The following SEC24B variants were observed in gnomAD, a reference collection of about 807,000 sequenced individuals.
SEC24B encodes the protein protein transport protein Sec24B.
SEC24B carries 45 observed loss-of-function variants against 142.8 expected under a neutral mutation model. The ratio of observed to expected loss-of-function variants is 0.32; its 90% confidence interval spans 0.25 to 0.40. SEC24B has a LOEUF of 0.40. Among genes scored for constraint, SEC24B ranks in the 10% least tolerant of loss-of-function variants. SEC24B has a pLI of 1.00. For synonymous variants in SEC24B, 574 were observed against 568.2 expected, an observed-to-expected ratio of 1.01 and a Z score of -0.15; for missense variants, 1,409 against 1,526.8, an observed-to-expected ratio of 0.92 and a Z score of 1.29.
rs1731448472 is a variant in SEC24B at position 109,463,007 on chromosome 4, A to G, written c.240A>G (p.Ser80=). 6.8e-6 allele frequency: 11 copies of G among 1,614,110 alleles called. No homozygotes were observed. The highest frequency in any genetic ancestry group is 9.3e-6 in the Non-Finnish European group (11 of 1,179,998). The change falls in exon 2 of 24, where the codon TCA becomes TCG. Residue 80 remains serine (S), a synonymous_variant. Coordinates refer to ENST00000265175, the MANE Select transcript of SEC24B (RefSeq NM_006323.5). ...HYSQGPGKMT[S]LPLDTQCGDY... is the part of the protein sequence containing the mutation. ...CTCAAGGACCTGGGAAAATGACCTC[A>G]TTGCCATTGGATACCCAGTGTGGTG...
chr4:109,463,752 G>A (rs903676539), intron 2 of SEC24B, 108 bp downstream of exon 2: 3 of 1,471,702 alleles, frequency 2.0e-6, no homozygotes, highest in Non-Finnish European at 2.7e-6. Flanking sequence ...TAGAAAAACT[G>A]GAAGTTTGCT....
chr4:109,500,186 T>A (rs1341710017), intron 6 of SEC24B, among the ~76,000 whole-genome samples: 2 of 152,226 alleles, frequency 1.3e-5, no homozygotes, highest in Non-Finnish European at 2.9e-5. Flanking sequence ...TGTTTTACAC[T>A]GTTTTTGCAA....
intron 2 of SEC24B, among the ~76,000 whole-genome samples, chr4:109,470,567 C>A (rs187522470): frequency 2.0e-4 from 30 of 152,338 alleles, no homozygotes; most frequent in Admixed American, 1.0e-3. Flanking sequence ...TTGCTGCACA[C>A]CTCCACATAT....
chr4:109,473,071 C>T lies in SEC24B; in HGVS notation c.945C>T (p.Ser315=), dbSNP rs370220461. 2.1e-5 allele frequency: 34 copies of T among 1,604,900 alleles called. No homozygotes were observed. The highest frequency in any genetic ancestry group is 2.7e-5 in the Non-Finnish European group (32 of 1,175,714). ...CTCCCAAGTCCAGCCCAGTGGTATC[C>T]ACTGTTTTATCAGGATCCTCAGGAT... ...VQPPKSSPVV[S]TVLSGSSGSS... is the part of the protein sequence containing the mutation. Residue 315 remains serine, a synonymous_variant, in exon 3 of 24, where the codon TCC becomes TCT. Transcript: ENST00000265175.
intron 3 of SEC24B, among the ~76,000 whole-genome samples, chr4:109,477,001 G>A (rs1411581005): frequency 1.3e-5 from 2 of 150,996 alleles, no homozygotes; most frequent in South Asian, 2.1e-4. Context: ...GCCGGGCGTA[G>A]TGGCGGGCGC....
At position 109,506,322 on chromosome 4, in the gene SEC24B, T is replaced by C. The variant is rs1221792009; in HGVS notation, c.1489-6T>C. On this transcript the variant is annotated splice_region_variant and splice_polypyrimidine_tract_variant and intron_variant, in intron 6 of 23. Coordinates refer to ENST00000265175, the MANE Select transcript of SEC24B (RefSeq NM_006323.5). The stretch of plus-strand genomic sequence containing the variant: ...TCTTTTATTTTGTTTTGAATTGCTC[T>C]TTCAGCAGTATCCTGGTGTGAACCA... The C allele has an allele frequency of 2.6e-6, 4 of 1,518,046 alleles. No homozygotes were observed. The East Asian group carries it at 7.1e-5, about 27-fold the overall frequency. The allele number at this position is 1,518,046 out of a possible 1,614,324, so 94.0% of individuals were successfully genotyped here.
intron 1 of SEC24B, among the ~76,000 whole-genome samples, chr4:109,445,393 G>A (rs749521564): frequency 2.1e-5 from 3 of 140,790 alleles, no homozygotes; most frequent in East Asian, 2.1e-4. Context: ...ACAGGCGCCC[G>A]CCACCACGCC....
intron 1 of SEC24B, among the ~76,000 whole-genome samples, chr4:109,434,374 G>A (rs943595884): frequency 3.3e-5 from 5 of 152,180 alleles, no homozygotes; most frequent in Non-Finnish European, 7.4e-5. Context: ...GGACGCGGGC[G>A]AGTTGCCCCG....
At chr4:109,531,598 T>C in intron 20 of SEC24B, 76 bp downstream of exon 20, 1 of 1,109,944 alleles carries the variant, frequency 9.0e-7, no homozygotes, top group Non-Finnish European at 1.3e-6. Context: ...AAGATGATAA[T>C]ATACTATCAA....
At chr4:109,523,377 G>A (rs1723868772) in intron 14 of SEC24B, among the ~76,000 whole-genome samples, 1 of 152,056 alleles carries the variant, frequency 6.6e-6, no homozygotes, top group South Asian at 2.1e-4. Flanking sequence ...GGCTGAGGCA[G>A]GAGAATCACT....
intron 7 of SEC24B, among the ~76,000 whole-genome samples, chr4:109,508,597 T>C (rs1291193056): frequency 6.6e-6 from 1 of 151,878 alleles, no homozygotes; most frequent in East Asian, 1.9e-4. Context: ...AAAAAAAATA[T>C]GTTGCATATG....
At chr4:109,467,322 T>C (rs2125943717) in intron 2 of SEC24B, among the ~76,000 whole-genome samples, 1 of 128,924 alleles carries the variant, frequency 7.8e-6, no homozygotes, top group African/African-American at 3.0e-5. Flanking sequence ...CGAGACTCCG[T>C]CTCAAAAAAA....
chr4:109,512,349 A>G (rs1242327424), intron 9 of SEC24B, among the ~76,000 whole-genome samples: 5 of 152,198 alleles, frequency 3.3e-5, no homozygotes, highest in African/African-American at 1.2e-4. Context: ...TATGCAGACT[A>G]GTTATGCTTG....
At position 109,530,412 on chromosome 4, in the gene SEC24B, C is replaced by T. The variant is rs758231636; in HGVS notation, c.3200C>T (p.Ala1067Val). Reference sequence around the variant, plus strand: ...AATTTACAGCACTCTGCATTGATGGCGCCCAGCTCCCTCAAGTTGTTTCCT... The same window carrying T: ...AATTTACAGCACTCTGCATTGATGGTGCCCAGCTCCCTCAAGTTGTTTCCT... ...VSNLQHSALM[A>V]PSSLKLFPLY... The change falls in exon 19 of 24, where the codon GCG (alanine) becomes GTG (valine). Residue 1067 changes from alanine (A) to valine (V), a missense_variant. Physicochemically the swap from Ala to Val is moderately conservative, Grantham distance 64. Transcript: ENST00000265175. 6.8e-6 allele frequency: 11 copies of T among 1,614,072 alleles called. No individual in the cohort carries two copies. The highest frequency in any genetic ancestry group is 2.2e-5 in the East Asian group (1 of 44,872).
intron 1 of SEC24B, among the ~76,000 whole-genome samples, chr4:109,447,319 A>G (rs1253545375): frequency 7.4e-6 from 1 of 135,768 alleles, no homozygotes; most frequent in African/African-American, 2.5e-5. Context: ...AAGGAATTAC[A>G]CTTTGAACAC....
At chr4:109,502,788 GC>G (rs1736285370) in intron 6 of SEC24B, among the ~76,000 whole-genome samples, 1 of 152,086 alleles carries the variant, frequency 6.6e-6, no homozygotes, top group South Asian at 2.1e-4. Context: ...GTATTTAATT[GC>G]CCCTTTCTCT....
intron 6 of SEC24B, among the ~76,000 whole-genome samples, chr4:109,497,314 A>C (rs1253304057): frequency 6.6e-6 from 1 of 152,258 alleles, no homozygotes; most frequent in Non-Finnish European, 1.5e-5. Flanking sequence ...AAGTCAAAAA[A>C]TTACCTTTGG....
At chr4:109,494,955 G>A in intron 6 of SEC24B, 99 bp downstream of exon 6, 2 of 1,413,368 alleles carry the variant, frequency 1.4e-6, no homozygotes, top group Non-Finnish European at 1.9e-6. Flanking sequence ...TGGAACTTAG[G>A]TACAAATACA....
At chr4:109,512,227 A>G (rs946847061) in intron 9 of SEC24B, 144 bp downstream of exon 9, 13 of 715,578 alleles carry the variant, frequency 1.8e-5, no homozygotes, top group Non-Finnish European at 2.9e-5. Flanking sequence ...GGCTAAGGCT[A>G]GGACTAGGGA....
Sources: allele counts gnomAD v4.1 joint callset (sites outside exome capture counted in the v4.1 genomes callset), GRCh38; gene constraint gnomAD v4.1.1; transcripts MANE v1.5; gene names NCBI Gene and HGNC (gene_info 2026-07-23, HGNC 2026-07-21).